Variants in DCTN6 observed in about 807,000 individuals in gnomAD.
DCTN6 encodes the protein dynactin subunit 6, also known as dynactin 6.
A neutral mutation model predicts 25.8 loss-of-function variants in DCTN6; 15 were observed. The observed-to-expected ratio is 0.58, with a 90% confidence interval of 0.39 to 0.89. The LOEUF is 0.89. Ranked by LOEUF, DCTN6 falls within the 40% of genes least tolerant of loss-of-function variation. DCTN6 has a pLI of 0.00. For synonymous variants in DCTN6, 64 were observed against 78.3 expected (o/e 0.82, Z 0.96); for missense variants, 198 against 237.6 (o/e 0.83, Z 1.09).
chr8:30,175,446 T>C lies in DCTN6; in HGVS notation c.194+256T>C, dbSNP rs533750225. On this transcript the variant is annotated intron_variant, in intron 3 of 6. Transcript: ENST00000221114. ...TCGGTCTGGTGATCTTCCCCTTACA[T>C]GTGGCTATCTCACCCATTCCTTAAG... Among the ~76,000 whole-genome samples the C allele has an allele frequency of 6.8e-4, 103 of 152,206 alleles. 2 individuals are homozygous for C. The highest frequency in any genetic ancestry group is 3.9e-3 in the South Asian group (19 of 4,814).
At chr8:30,169,625 A>G (rs986481811) in intron 2 of DCTN6, among the ~76,000 whole-genome samples, 1 of 152,138 alleles carries the variant, frequency 6.6e-6, no homozygotes, top group African/African-American at 2.4e-5. Context: ...GTGGTGACAG[A>G]TTTTTATTTT....
intron 6 of DCTN6, among the ~76,000 whole-genome samples, chr8:30,182,863 T>G (rs1803928543): frequency 6.6e-6 from 1 of 152,000 alleles, no homozygotes; most frequent in Admixed American, 6.6e-5. Context: ...TACAGGGGTG[T>G]GCCACCACAC....
intron 2 of DCTN6, among the ~76,000 whole-genome samples, chr8:30,164,890 T>G (rs1167419906): frequency 6.6e-6 from 1 of 152,166 alleles, no homozygotes; most frequent in East Asian, 1.9e-4. Context: ...TTAAACAGCC[T>G]TCCTGAAAGT....
intron 1 of DCTN6, among the ~76,000 whole-genome samples, chr8:30,158,247 C>T (rs1255161953): frequency 3.9e-5 from 6 of 152,120 alleles, no homozygotes; most frequent in Admixed American, 3.9e-4. Context: ...ATGCTCTTTT[C>T]ATAATGAGAA....
rs1336637917 is a variant in DCTN6 at position 30,157,138 on chromosome 8, CTT to C, written c.23+734_23+735del. On this transcript the variant is annotated intron_variant, in intron 1 of 6. Transcript: ENST00000221114. ...AGTCCCCAGTGTCTGTTATTTCCCT[CTT>C]TATGTTTATGTGTACTCATTTTAGC... is the stretch of plus-strand genomic sequence containing the variant. Among the ~76,000 whole-genome samples the C allele has an allele frequency of 3.9e-5, 6 of 152,150 alleles. No individual in the cohort carries two copies. The East Asian group carries it at 7.7e-4, about 20-fold the overall frequency.
chr8:30,178,470 T>TAAAAAAAAAAA (rs201060800), intron 4 of DCTN6, among the ~76,000 whole-genome samples: 1 of 79,824 alleles, frequency 1.3e-5, no homozygotes, highest in Admixed American at 1.2e-4. Flanking sequence ...TCAAAAAGAT[T>TAAAAAAAAAAA]AAAAAAAAAA....
At chr8:30,177,037 T>C (rs1012984089) in intron 3 of DCTN6, 89 bp from the exon 4 acceptor site, 2 of 933,354 alleles carry the variant, frequency 2.1e-6, no homozygotes, top group Non-Finnish European at 3.4e-6. Context: ...GTAGGTAAAA[T>C]TGAAAGAATT....
chr8:30,170,248 C>A (rs1297480887), intron 2 of DCTN6, among the ~76,000 whole-genome samples: 2 of 151,044 alleles, frequency 1.3e-5, no homozygotes, highest in Non-Finnish European at 2.9e-5. Flanking sequence ...CTAACTACTT[C>A]AGTCTGTGCC....
chr8:30,178,120 C>A (rs16876622), intron 4 of DCTN6, among the ~76,000 whole-genome samples: 1 of 151,872 alleles, frequency 6.6e-6, no homozygotes, highest in Admixed American at 6.6e-5. Context: ...TGTCTTTTTT[C>A]CTCCCTAGAA....
chr8:30,164,933 T>C (rs768489781), intron 2 of DCTN6, among the ~76,000 whole-genome samples: 9 of 152,220 alleles, frequency 5.9e-5, no homozygotes, highest in Non-Finnish European at 1.3e-4. Context: ...GTCTCATGGC[T>C]AAGACAATCT....
At chr8:30,176,210 A>T (rs1397510709) in intron 3 of DCTN6, among the ~76,000 whole-genome samples, 2 of 152,230 alleles carry the variant, frequency 1.3e-5, no homozygotes, top group Non-Finnish European at 2.9e-5. Context: ...TTTGTCCTGG[A>T]GAAGACCCAC....
intron 1 of DCTN6, among the ~76,000 whole-genome samples, chr8:30,161,060 C>T (rs148091312): frequency 1.3e-5 from 2 of 152,246 alleles, no homozygotes; most frequent in East Asian, 3.9e-4. Flanking sequence ...TAATGCCCAC[C>T]TGTTGAGGGA....
At chr8:30,180,798 G>A (rs1023523259) in intron 6 of DCTN6, 168 bp downstream of exon 6, 2 of 785,692 alleles carry the variant, frequency 2.5e-6, no homozygotes, top group Non-Finnish European at 3.9e-6. Context: ...TTGGGAGGCC[G>A]AGGCAGGAGG....
In DCTN6 at chr8:30,167,102, GAAGAGA is replaced by G. The variant is rs1443941750; in HGVS notation, c.88+2937_88+2942del. On this transcript the variant is annotated intron_variant, in intron 2 of 6. Transcript: ENST00000221114. ...GAAAGAAGGAAAGAAGAAAGGAAAG[GAAGAGA>G]AAGAGAAAGGGAAGGAAGGAAGGAG... is the stretch of plus-strand genomic sequence containing the variant. 1.5e-4 allele frequency among the ~76,000 whole-genome samples: 23 copies of G among 150,950 alleles called. 1 individual carries two copies. The highest frequency in any genetic ancestry group is 1.4e-3 in the Admixed American group (21 of 15,120).
intron 2 of DCTN6, among the ~76,000 whole-genome samples, chr8:30,165,468 A>T (rs1243748937): frequency 2.0e-5 from 3 of 148,014 alleles, no homozygotes; most frequent in African/African-American, 5.0e-5. Flanking sequence ...CTGTAACGTC[A>T]TTTTTTTTTT....
intron 2 of DCTN6, among the ~76,000 whole-genome samples, chr8:30,166,439 C>T (rs1260918073): frequency 1.3e-5 from 2 of 151,706 alleles, no homozygotes; most frequent in African/African-American, 4.8e-5. Context: ...TGAGCCATCA[C>T]ACCTGGCCCA....
chr8:30,171,425 T>A (rs994400), intron 2 of DCTN6, among the ~76,000 whole-genome samples: 146,678 of 151,950 alleles, frequency 0.97, 70,986 homozygotes, highest in Middle Eastern at 1. Context: ...AATTTTTTTT[T>A]AATTTTTCAT....
At chr8:30,165,341 C>T (rs1281334202) in intron 2 of DCTN6, among the ~76,000 whole-genome samples, 1 of 151,800 alleles carries the variant, frequency 6.6e-6, no homozygotes, top group African/African-American at 2.4e-5. Flanking sequence ...TACCAGCAGC[C>T]GCATGTCACC....
At chr8:30,167,952 C>T (rs1803706122) in intron 2 of DCTN6, among the ~76,000 whole-genome samples, 2 of 152,182 alleles carry the variant, frequency 1.3e-5, no homozygotes, top group African/African-American at 4.8e-5. Context: ...CCACCCTCCT[C>T]GGCCTCCCAA....
Sources: gnomAD v4.1 joint callset for allele counts (sites outside exome capture counted in the v4.1 genomes callset) on GRCh38, gnomAD v4.1.1 for gene constraint, MANE v1.5 for transcripts, NCBI Gene and HGNC (gene_info 2026-07-23, HGNC 2026-07-21) for gene names.